PHF12: variants seen among roughly 807,000 people sequenced by gnomAD.
PHF12 encodes the protein PHD finger protein 12.
A neutral mutation model predicts 99.8 loss-of-function variants in PHF12; 6 were observed. That is an observed-to-expected ratio of 0.06 (90% CI 0.03 to 0.12). The LOEUF is 0.12. PHF12 is among the 10% of genes least tolerant of loss of function. PHF12 has a pLI of 1.00. For missense variants in PHF12, 954 were observed against 1,300.1 expected, an observed-to-expected ratio of 0.73 and a Z score of 4.09; for synonymous variants, 480 against 514.9, an observed-to-expected ratio of 0.93 and a Z score of 0.92.
At chr17:28,927,156 T>G (rs1265163080) in intron 2 of PHF12, 93 bp from the exon 3 acceptor site, 1 of 1,180,700 alleles carries the variant, frequency 8.5e-7, no homozygotes, top group Non-Finnish European at 1.2e-6. Flanking sequence ...AAACTCCTAT[T>G]GTGGCCAGTC....
At position 28,924,122 on chromosome 17, in the gene PHF12, T is replaced by C; in HGVS notation, c.502A>G (p.Thr168Ala). The C allele has an allele frequency of 6.2e-7, 1 of 1,614,218 alleles. No homozygotes were observed. The highest frequency in any genetic ancestry group is 8.5e-7 in the Non-Finnish European group (1 of 1,180,032). Residue 168 changes from threonine (T) to alanine (A), a missense_variant, in exon 4 of 15, where the codon ACA becomes GCA. Around this residue, in one of 8 missense-constraint regions of PHF12, gnomAD observed 109 missense variants for 145.4 expected, o/e 0.75. Coordinates refer to ENST00000332830, the MANE Select transcript of PHF12 (RefSeq NM_001033561.2). Reference sequence around the variant, plus strand: ...GGAGTCTCTGTGCTGGCGCTGGATGTGGGTGTGCCAGGCCTGCTGGCTCTC... The same window carrying C: ...GGAGTCTCTGTGCTGGCGCTGGATGCGGGTGTGCCAGGCCTGCTGGCTCTC... ...ERRASRPGTP[T>A]SSASTETPTS...
At chr17:28,915,085 G>T (rs1018513524) in intron 7 of PHF12, among the ~76,000 whole-genome samples, 1 of 152,182 alleles carries the variant, frequency 6.6e-6, no homozygotes, top group Non-Finnish European at 1.5e-5. Context: ...GCTTATTTTA[G>T]TTTGGGGGAC....
chr17:28,906,242 C>T lies in PHF12; in HGVS notation c.2956G>A (p.Glu986Lys), dbSNP rs781590420. 9 of 1,612,610 alleles carry T rather than the reference C, an allele frequency of 5.6e-6. No individual in the cohort carries two copies. The highest frequency in any genetic ancestry group is 1.6e-4 in the Middle Eastern group (1 of 6,080). ...ASLLQDGVLAEKLSLKPHQGP... is the reference protein window; with the variant it reads ...ASLLQDGVLAKKLSLKPHQGP... ...TGGTGGGGCTTGAGAGAGAGCTTCT[C>T]GGCCAAGACCCCATCCTGCAGCAGG... Residue 986 changes from glutamate to lysine, a missense_variant, in exon 15 of 15, where the codon GAG (glutamate) becomes AAG (lysine). This residue lies in a region of PHF12 where 136 missense variants were observed against 172.3 expected (regional missense o/e 0.79). Transcript: ENST00000332830. This position sits in a 1 kb window ranked among gnomAD's most constrained non-coding sequence, Gnocchi z 4.2.
At chr17:28,929,640 C>G (rs138208643) in intron 2 of PHF12, 2 of 152,310 alleles carry the variant, frequency 1.3e-5, no homozygotes, top group Non-Finnish European at 2.9e-5. Context: ...CCCTGTTTCC[C>G]CAGAGCCCCA....
At chr17:28,912,399 G>A in intron 9 of PHF12, 83 bp downstream of exon 9, 4 of 1,493,728 alleles carry the variant, frequency 2.7e-6, no homozygotes, top group Non-Finnish European at 2.7e-6. Context: ...AGTATTCACA[G>A]GGATATAAGT....
chr17:28,944,611 C>A (rs908828407), intron 2 of PHF12: 7 of 668,152 alleles, frequency 1.0e-5, no homozygotes, highest in African/African-American at 9.9e-5. Context: ...CACACCAATG[C>A]ACTCTAGCCT....
chr17:28,947,721 C>A (rs185440996), intron 2 of PHF12, among the ~76,000 whole-genome samples: 2 of 152,204 alleles, frequency 1.3e-5, no homozygotes, highest in Admixed American at 1.3e-4. Flanking sequence ...AGACTTCCTG[C>A]CTTTGCACCA....
Position 28,930,803 on chromosome 17 carries a change from G to C in PHF12, c.249-3740C>G, listed in dbSNP as rs555987710. The stretch of plus-strand genomic sequence containing the variant: ...AACACACTTCTGGCCGGGTGCAGTA[G>C]CTCATGCCTGTAATACCAGCACTTT... On this transcript the variant is annotated intron_variant, in intron 2 of 14. Coordinates refer to ENST00000332830, the MANE Select transcript of PHF12 (RefSeq NM_001033561.2). Among the ~76,000 whole-genome samples the C allele has an allele frequency of 3.1e-4, 47 of 152,324 alleles. No individual in the cohort carries two copies. The South Asian group carries it at 8.7e-3, about 28-fold the overall frequency.
rs1213680548 is a variant in PHF12, at chr17:28,951,035, G to A, written c.-75C>T. 1 of 1,605,116 alleles carries A rather than the reference G, an allele frequency of 6.2e-7. No homozygotes were observed. The highest frequency in any genetic ancestry group is 8.5e-7 in the Non-Finnish European group (1 of 1,175,548). The stretch of plus-strand genomic sequence containing the variant: ...GGGGGGAGGGGGGAGGTGAGGGGAG[G>A]GGGCGCTCCTGACCCCGGCCCCGCT... On this transcript the variant is annotated 5_prime_UTR_variant, in exon 1 of 15. Coordinates refer to ENST00000332830, the MANE Select transcript of PHF12 (RefSeq NM_001033561.2).
chr17:28,925,029 T>C (rs1167454360), intron 3 of PHF12: 1 of 152,038 alleles, frequency 6.6e-6, no homozygotes, highest in East Asian at 1.9e-4. Flanking sequence ...ATAAAAACTT[T>C]GCTCAAAATA....
chr17:28,911,012 A>G (rs944137268), intron 10 of PHF12, 100 bp downstream of exon 10: 3 of 1,521,468 alleles, frequency 2.0e-6, no homozygotes, highest in Admixed American at 1.8e-5. Flanking sequence ...CTCTGGGATC[A>G]GGTGTCCCTT....
At chr17:28,907,080 T>A (rs2039884002) in intron 13 of PHF12, 86 bp from the exon 14 acceptor site, 1 of 1,448,900 alleles carries the variant, frequency 6.9e-7, no homozygotes, top group South Asian at 1.3e-5. Context: ...GAGAAGGCCG[T>A]GCTACTCTAC....
At chr17:28,921,493 C>G (rs897331254) in intron 5 of PHF12, among the ~76,000 whole-genome samples, 195 bp downstream of exon 5, 1 of 152,146 alleles carries the variant, frequency 6.6e-6, no homozygotes, top group Non-Finnish European at 1.5e-5. Context: ...TACTCCTGTA[C>G]TGTGATTCTT....
At chr17:28,925,959 C>T (rs1281016380) in intron 3 of PHF12, 1 of 152,222 alleles carries the variant, frequency 6.6e-6, no homozygotes, top group Non-Finnish European at 1.5e-5. Flanking sequence ...TGGCAGGTGC[C>T]TCTAACAGGC....
At chr17:28,910,005 G>A (rs1380490333) in intron 11 of PHF12, 2 of 706,430 alleles carry the variant, frequency 2.8e-6, no homozygotes, top group South Asian at 3.1e-5. Context: ...ATATATGAAA[G>A]AAAGTTACAG....
intron 2 of PHF12, among the ~76,000 whole-genome samples, chr17:28,929,183 G>A (rs2040348685): frequency 2.0e-5 from 3 of 151,378 alleles, no homozygotes; most frequent in South Asian, 4.2e-4. Flanking sequence ...TCACCTACTT[G>A]GAATGGTATG....
intron 7 of PHF12, among the ~76,000 whole-genome samples, chr17:28,916,721 A>G (rs2040069176): frequency 6.6e-6 from 1 of 152,254 alleles, no homozygotes; most frequent in Non-Finnish European, 1.5e-5. Flanking sequence ...TTTTCTGTCA[A>G]TCTCTGTAAA....
At chr17:28,944,644 C>G in intron 2 of PHF12, 1 of 343,156 alleles carries the variant, frequency 2.9e-6, no homozygotes, top group Non-Finnish European at 4.1e-6. Flanking sequence ...GAGACTCTGT[C>G]TCAAAAAAGA....
intron 2 of PHF12, among the ~76,000 whole-genome samples, chr17:28,934,431 C>T (rs762944101): frequency 6.6e-6 from 1 of 152,036 alleles, no homozygotes; most frequent in Non-Finnish European, 1.5e-5. Flanking sequence ...AGTTAAGGAT[C>T]GTGAGGAGTT....
Sources: allele counts gnomAD v4.1 joint callset (sites outside exome capture counted in the v4.1 genomes callset), GRCh38; gene constraint gnomAD v4.1.1; regional missense constraint gnomAD v4.1.1; non-coding constraint Gnocchi (gnomAD v3.1); transcripts MANE v1.5; gene names NCBI Gene and HGNC (gene_info 2026-07-23, HGNC 2026-07-21).